The following SLC9A9 variants were observed in gnomAD, a reference collection of about 807,000 sequenced individuals.
SLC9A9 encodes sodium/hydrogen exchanger 9.
SLC9A9 carries 62 observed loss-of-function variants against 77.8 expected under a neutral mutation model. The ratio of observed to expected loss-of-function variants is 0.80; its 90% CI spans 0.65 to 0.98. The LOEUF is 0.98. SLC9A9 is among the 50% of genes least tolerant of loss of function. The probability of loss-of-function intolerance (pLI) is 0.00; values close to 1 mark genes in which losing one functional copy is unlikely to be tolerated. For missense variants in SLC9A9, 775 were observed against 774.9 expected, an observed-to-expected ratio of 1.00 and a Z score of 0.00; for synonymous variants, 320 against 283.5, an observed-to-expected ratio of 1.13 and a Z score of -1.29.
At chr3:143,464,398 C>T (rs1014709603) in intron 12 of SLC9A9, among the ~76,000 whole-genome samples, 1 of 152,156 alleles carries the variant, frequency 6.6e-6, no homozygotes, top group Non-Finnish European at 1.5e-5. Flanking sequence ...GGTATCACTG[C>T]AAGTTAGTGT....
intron 14 of SLC9A9, among the ~76,000 whole-genome samples, chr3:143,362,069 G>C (rs1395743783): frequency 6.6e-6 from 1 of 152,152 alleles, no homozygotes; most frequent in African/African-American, 2.4e-5. Context: ...CTTCCAAAGA[G>C]AGATCAACCA....
chr3:143,722,399 G>A (rs1377940497), intron 4 of SLC9A9, among the ~76,000 whole-genome samples: 1 of 148,368 alleles, frequency 6.7e-6, no homozygotes, highest in Non-Finnish European at 1.5e-5. Flanking sequence ...CGTGAACCAG[G>A]GAGGCGGAGC....
chr3:143,484,929 C>T (rs1393749048), intron 11 of SLC9A9, among the ~76,000 whole-genome samples: 1 of 152,088 alleles, frequency 6.6e-6, no homozygotes, highest in Non-Finnish European at 1.5e-5. Flanking sequence ...AATTTGTTTC[C>T]CTACCTAGAC....
chr3:143,752,640 G>T (rs912490215), intron 4 of SLC9A9, among the ~76,000 whole-genome samples: 2 of 151,444 alleles, frequency 1.3e-5, no homozygotes, highest in Non-Finnish European at 2.9e-5. Context: ...GCACAGAGCC[G>T]CAACTCTTGA....
intron 4 of SLC9A9, among the ~76,000 whole-genome samples, chr3:143,741,842 C>G (rs907872264): frequency 1.3e-5 from 2 of 152,140 alleles, no homozygotes; most frequent in African/African-American, 4.8e-5. Flanking sequence ...CATCTTTCTT[C>G]TAACCTCCAA....
chr3:143,428,908 C>A (rs2034455424), intron 12 of SLC9A9, among the ~76,000 whole-genome samples: 1 of 152,072 alleles, frequency 6.6e-6, no homozygotes. Flanking sequence ...CCAGAGGCTG[C>A]AGAGGGGTGG....
intron 4 of SLC9A9, among the ~76,000 whole-genome samples, chr3:143,699,781 T>G (rs541274647): frequency 6.6e-6 from 1 of 152,256 alleles, no homozygotes; most frequent in East Asian, 1.9e-4. Flanking sequence ...TAGGTGATTC[T>G]GCAGCTCAGT....
At chr3:143,821,896 C>A (rs1343561806) in intron 2 of SLC9A9, among the ~76,000 whole-genome samples, 3 of 152,178 alleles carry the variant, frequency 2.0e-5, no homozygotes, top group Admixed American at 6.5e-5. Flanking sequence ...AGCTTCCCAG[C>A]CTATGCGGGG....
chr3:143,794,983 G>C lies in SLC9A9; in HGVS notation c.533+18C>G. 6.2e-7 allele frequency: 1 copy of C among 1,611,570 alleles called. No homozygotes were observed. The highest frequency in any genetic ancestry group is 8.5e-7 in the Non-Finnish European group (1 of 1,177,812). Reference sequence around the variant, plus strand: ...GACCCCACAGCCACCTGCAACTTGAGCTCCGAATGTCACTTACCCTATGAC... The same window carrying C: ...GACCCCACAGCCACCTGCAACTTGACCTCCGAATGTCACTTACCCTATGAC... On this transcript the variant is annotated intron_variant, in intron 4 of 15. Coordinates refer to ENST00000316549, the MANE Select transcript of SLC9A9 (RefSeq NM_173653.4).
chr3:143,327,685 T>C (rs2031645758), intron 14 of SLC9A9, among the ~76,000 whole-genome samples: 1 of 152,192 alleles, frequency 6.6e-6, no homozygotes, highest in Non-Finnish European at 1.5e-5. Context: ...TCTCCTAAGA[T>C]TGTTCTTATT....
At chr3:143,493,963 C>G (rs2108591169) in intron 10 of SLC9A9, among the ~76,000 whole-genome samples, 199 bp from the exon 11 acceptor site, 1 of 152,316 alleles carries the variant, frequency 6.6e-6, no homozygotes, top group Non-Finnish European at 1.5e-5. Flanking sequence ...TAATAGAGAA[C>G]TCTGCCTTTC....
At chr3:143,625,635 A>C (rs970014113) in intron 6 of SLC9A9, among the ~76,000 whole-genome samples, 1 of 152,238 alleles carries the variant, frequency 6.6e-6, no homozygotes, top group African/African-American at 2.4e-5. Flanking sequence ...TAAAGACTTA[A>C]ATGTTAGACC....
At position 143,386,179 on chromosome 3, in the gene SLC9A9, C is replaced by A. The variant is rs1197707386; in HGVS notation, c.1470-4065G>T. On this transcript the variant is annotated intron_variant, in intron 12 of 15. Transcript: ENST00000316549. ...AAGTAGCTGTACTCCTCCTACTCTG[C>A]TCTCTGCTCCCAAATAGAATCCCTT... Among the ~76,000 whole-genome samples the A allele has an allele frequency of 2.6e-5, 4 of 152,196 alleles. No homozygotes were observed. The East Asian group carries it at 7.7e-4, about 29-fold the overall frequency.
At chr3:143,637,487 T>C (rs2108733988) in intron 6 of SLC9A9, among the ~76,000 whole-genome samples, 1 of 152,344 alleles carries the variant, frequency 6.6e-6, no homozygotes, top group South Asian at 2.1e-4. Flanking sequence ...GATTTTCCTA[T>C]TTTGAATTTC....
chr3:143,352,606 T>C (rs1008784696), intron 14 of SLC9A9, among the ~76,000 whole-genome samples: 4 of 152,252 alleles, frequency 2.6e-5, no homozygotes, highest in African/African-American at 9.6e-5. Context: ...AAAAACATTC[T>C]AGTAGACTCT....
At chr3:143,805,560 A>C (rs2008687895) in intron 2 of SLC9A9, among the ~76,000 whole-genome samples, 1 of 152,186 alleles carries the variant, frequency 6.6e-6, no homozygotes, top group African/African-American at 2.4e-5. Context: ...GCAAGTGAAG[A>C]ATCACAAAAG....
chr3:143,483,567 A>G (rs1382266230), intron 11 of SLC9A9, among the ~76,000 whole-genome samples: 1 of 152,192 alleles, frequency 6.6e-6, no homozygotes, highest in Non-Finnish European at 1.5e-5. Flanking sequence ...TTTAAAGAAA[A>G]ATAATACAAA....
chr3:143,450,011 C>CATATATACATATAAT (rs2034969793), intron 12 of SLC9A9, among the ~76,000 whole-genome samples: 1 of 100,190 alleles, frequency 1.0e-5, no homozygotes, highest in African/African-American at 4.0e-5. Context: ...TACATATATG[C>CATATATACATATAAT]ATATATACAT....
rs141709378 is a variant in SLC9A9 at position 143,534,707 on chromosome 3, A to C, written c.1089+17655T>G. 2.2e-3 allele frequency among the ~76,000 whole-genome samples: 341 copies of C among 152,272 alleles called. 3 individuals are homozygous for C. Among genetic ancestry groups the C allele is most frequent in the African/African-American group, 8.0e-3 (332 of 41,554 alleles). On this transcript the variant is annotated intron_variant, in intron 9 of 15. Transcript: ENST00000316549. Reference sequence around the variant, plus strand: ...AACAGGGCAGATTTAATAATTTCTTAATGACCCAAGTGGGTGCTAGGCTTG... The same window carrying C: ...AACAGGGCAGATTTAATAATTTCTTCATGACCCAAGTGGGTGCTAGGCTTG...
Sources: allele counts gnomAD v4.1 joint callset (sites outside exome capture counted in the v4.1 genomes callset), GRCh38; gene constraint gnomAD v4.1.1; transcripts MANE v1.5; gene names NCBI Gene and HGNC (gene_info 2026-07-23, HGNC 2026-07-21).